ABTB3: variants seen among roughly 807,000 people sequenced by gnomAD.
ABTB3 encodes the protein ankyrin repeat and BTB domain containing 3.
chr12:107,576,809 C>A, the ABTB3 span, among the ~76,000 whole-genome samples: 88 of 152,260 alleles, frequency 5.8e-4, no homozygotes, highest in African/African-American at 2.1e-3. Flanking sequence ...CTCTTGATAT[C>A]TTTTAATCTA....
chr12:107,325,006 C>A, the ABTB3 span, among the ~76,000 whole-genome samples: 1 of 152,122 alleles, frequency 6.6e-6, no homozygotes, highest in Admixed American at 6.5e-5. Flanking sequence ...ACGCAATGGG[C>A]GATTACAAAG....
the ABTB3 span, among the ~76,000 whole-genome samples, chr12:107,330,872 C>T: frequency 6.6e-6 from 1 of 152,190 alleles, no homozygotes; most frequent in Non-Finnish European, 1.5e-5. Flanking sequence ...GTGGCTGAAC[C>T]ACTGAAAGCA....
chr12:107,318,811 A>G, the ABTB3 span: 1 of 1,046,098 alleles, frequency 9.6e-7, no homozygotes, highest in South Asian at 1.7e-5. Context: ...AACAGTTGGT[A>G]GCAGCGGCTA....
the ABTB3 span, among the ~76,000 whole-genome samples, chr12:107,638,563 G>T: frequency 3.9e-5 from 6 of 152,288 alleles, no homozygotes; most frequent in South Asian, 2.1e-4. Context: ...GGCTAAGAAG[G>T]TTCCCCGGGT....
chr12:107,356,001 C>T, the ABTB3 span, among the ~76,000 whole-genome samples: 1 of 152,032 alleles, frequency 6.6e-6, no homozygotes, highest in Admixed American at 6.6e-5. Flanking sequence ...AAAACATGTC[C>T]CATTTTAAAA....
the ABTB3 span, among the ~76,000 whole-genome samples, chr12:107,481,518 C>T: frequency 1.3e-5 from 2 of 152,260 alleles, no homozygotes; most frequent in Admixed American, 6.5e-5. Flanking sequence ...ACCTGAGAGG[C>T]CCTCTTGTCC....
the ABTB3 span, among the ~76,000 whole-genome samples, chr12:107,322,516 G>A: frequency 1.3e-5 from 2 of 152,134 alleles, no homozygotes; most frequent in Non-Finnish European, 2.9e-5. Context: ...GCCTTATTAA[G>A]GACAACATAC....
At chr12:107,518,847 T>TC in the ABTB3 span, among the ~76,000 whole-genome samples, 10 of 151,404 alleles carry the variant, frequency 6.6e-5, no homozygotes, top group Non-Finnish European at 1.2e-4. Flanking sequence ...TTAATACTTG[T>TC]TCTTTAGGTC....
chr12:107,384,054 C>T, the ABTB3 span, among the ~76,000 whole-genome samples: 1 of 152,158 alleles, frequency 6.6e-6, no homozygotes, highest in African/African-American at 2.4e-5. Context: ...GGCTCCAGAC[C>T]CACACACCTG....
the ABTB3 span, among the ~76,000 whole-genome samples, chr12:107,428,557 C>A: frequency 6.6e-6 from 1 of 152,204 alleles, no homozygotes; most frequent in African/African-American, 2.4e-5. Flanking sequence ...GCTCCACAGC[C>A]TCTCAGAGGG....
the ABTB3 span, among the ~76,000 whole-genome samples, chr12:107,474,144 T>G: frequency 6.6e-6 from 1 of 152,162 alleles, no homozygotes; most frequent in Non-Finnish European, 1.5e-5. Flanking sequence ...CTAGGGCATG[T>G]TTTTGGTGAC....
chr12:107,426,380 C>G, the ABTB3 span, among the ~76,000 whole-genome samples: 7 of 152,258 alleles, frequency 4.6e-5, no homozygotes, highest in African/African-American at 1.7e-4. Flanking sequence ...TCTGCATCCC[C>G]GATGGGACAC....
the ABTB3 span, among the ~76,000 whole-genome samples, chr12:107,539,367 C>A: frequency 2.0e-5 from 3 of 152,120 alleles, no homozygotes; most frequent in Non-Finnish European, 4.4e-5. Flanking sequence ...TGGAGCTTCC[C>A]CTTACTAGGC....
At chr12:107,518,757 A>AAAAT in the ABTB3 span, among the ~76,000 whole-genome samples, 2 of 152,178 alleles carry the variant, frequency 1.3e-5, no homozygotes, top group African/African-American at 4.8e-5. Context: ...ATAATAATAA[A>AAAAT]AAATAAATAA....
the ABTB3 span, among the ~76,000 whole-genome samples, chr12:107,384,802 C>T: frequency 6.6e-6 from 1 of 152,090 alleles, no homozygotes; most frequent in East Asian, 1.9e-4. Flanking sequence ...AGCAGGAGGC[C>T]CTTGAACCTG....
the ABTB3 span, among the ~76,000 whole-genome samples, chr12:107,542,969 T>G: frequency 6.6e-6 from 1 of 152,138 alleles, no homozygotes; most frequent in African/African-American, 2.4e-5. Context: ...AAAATCCATG[T>G]ATAAGTGGAT....
chr12:107,504,018 C>T, the ABTB3 span, among the ~76,000 whole-genome samples: 1 of 152,156 alleles, frequency 6.6e-6, no homozygotes, highest in East Asian at 1.9e-4. Flanking sequence ...TGGATAGGGC[C>T]CTGCTTCCCC....
At chr12:107,420,232 G>A in the ABTB3 span, among the ~76,000 whole-genome samples, 1 of 152,110 alleles carries the variant, frequency 6.6e-6, no homozygotes, top group Non-Finnish European at 1.5e-5. Context: ...CCACTTGAGA[G>A]TTGACCACAC....
the ABTB3 span, among the ~76,000 whole-genome samples, chr12:107,464,974 AC>A: frequency 6.6e-6 from 1 of 150,704 alleles, no homozygotes; most frequent in South Asian, 2.1e-4. Flanking sequence ...ACACACACAC[AC>A]ACCCCAGAGA....
Sources: allele counts gnomAD v4.1 joint callset (sites outside exome capture counted in the v4.1 genomes callset), GRCh38; gene constraint gnomAD v4.1.1; transcripts MANE v1.5; gene names NCBI Gene and HGNC (gene_info 2026-07-23, HGNC 2026-07-21).